Variants in WWOX observed in about 807,000 individuals in gnomAD.
WWOX encodes WW domain-containing oxidoreductase.
A neutral mutation model predicts 46.2 loss-of-function variants in WWOX; 69 were observed. The observed-to-expected ratio is 1.49, with a 90% CI of 1.23 to 1.82. The LOEUF (loss-of-function observed/expected upper bound fraction) is 1.82. Among genes scored for constraint, WWOX ranks in the 40% most tolerant of loss-of-function variants. The pLI is 0.00. For synonymous variants in WWOX, 359 were observed against 202.6 expected (o/e 1.77, Z -6.56); for missense variants, 919 against 542.6 (o/e 1.69, Z -6.89).
At chr16:78,339,819 C>G (rs1364393387) in intron 5 of WWOX, among the ~76,000 whole-genome samples, 1 of 117,462 alleles carries the variant, frequency 8.5e-6, no homozygotes, top group Non-Finnish European at 2.0e-5. Flanking sequence ...CTATCTGCTT[C>G]TCTCTTGGGA....
At chr16:78,443,180 C>G (rs562035744) in intron 8 of WWOX, among the ~76,000 whole-genome samples, 14 of 143,766 alleles carry the variant, frequency 9.7e-5, no homozygotes, top group Middle Eastern at 3.8e-3. Context: ...TGACTCGTGT[C>G]TATTGTCCCA....
intron 8 of WWOX, among the ~76,000 whole-genome samples, chr16:79,178,533 T>C (rs1279931526): frequency 6.6e-6 from 1 of 152,114 alleles, no homozygotes; most frequent in African/African-American, 2.4e-5. Flanking sequence ...TCCAGGCTGG[T>C]CTCAAACTCC....
chr16:78,775,019 T>A (rs1248365470), intron 8 of WWOX, among the ~76,000 whole-genome samples: 1 of 152,130 alleles, frequency 6.6e-6, no homozygotes. Flanking sequence ...GTTGGGCAGA[T>A]GGCGAGAGAC....
intron 8 of WWOX, chr16:78,996,151 A>AC: frequency 1.1e-6 from 1 of 877,052 alleles, no homozygotes; most frequent in Non-Finnish European, 1.4e-6. Flanking sequence ...CTTTTTTTTA[A>AC]TTTTTTTTTT....
intron 8 of WWOX, among the ~76,000 whole-genome samples, chr16:78,595,060 G>T (rs1330651329): frequency 6.6e-6 from 1 of 152,196 alleles, no homozygotes; most frequent in African/African-American, 2.4e-5. Context: ...GAGGCTTGGG[G>T]ACCCCAGGGT....
At chr16:78,963,060 G>C (rs1245812012) in intron 8 of WWOX, among the ~76,000 whole-genome samples, 1 of 152,166 alleles carries the variant, frequency 6.6e-6, no homozygotes, top group East Asian at 1.9e-4. Context: ...GAATTGTACT[G>C]TAAGTACTCT....
chr16:79,136,939 A>G (rs1233899929), intron 8 of WWOX, among the ~76,000 whole-genome samples: 2 of 152,234 alleles, frequency 1.3e-5, no homozygotes, highest in African/African-American at 4.8e-5. Flanking sequence ...CATGTGATTA[A>G]TCCTCCCCCT....
At chr16:78,379,482 A>G (rs1434704704) in intron 5 of WWOX, among the ~76,000 whole-genome samples, 5 of 152,118 alleles carry the variant, frequency 3.3e-5, no homozygotes, top group Non-Finnish European at 5.9e-5. Context: ...GTGTTCCTTT[A>G]TTTCACCCAC....
At chr16:78,861,404 C>T (rs181443681) in intron 8 of WWOX, among the ~76,000 whole-genome samples, 44 of 152,300 alleles carry the variant, frequency 2.9e-4, no homozygotes, top group Non-Finnish European at 8.8e-5. Context: ...CAGAAGTTGA[C>T]AGAGAGTATA....
chr16:78,771,211 C>A (rs1451129950), intron 8 of WWOX, among the ~76,000 whole-genome samples: 1 of 152,218 alleles, frequency 6.6e-6, no homozygotes, highest in Non-Finnish European at 1.5e-5. Context: ...AACTGACTTA[C>A]TCTTTGAAAA....
intron 5 of WWOX, among the ~76,000 whole-genome samples, chr16:78,273,170 C>G (rs777573909): frequency 6.6e-6 from 1 of 152,234 alleles, no homozygotes; most frequent in Non-Finnish European, 1.5e-5. Flanking sequence ...CCTGCTGTGC[C>G]TTCCTATAGT....
intron 8 of WWOX, among the ~76,000 whole-genome samples, chr16:79,190,626 G>T (rs983253498): frequency 6.6e-6 from 1 of 152,202 alleles, no homozygotes; most frequent in African/African-American, 2.4e-5. Flanking sequence ...TTCAGAAGAT[G>T]AACTAGTTGG....
intron 4 of WWOX, among the ~76,000 whole-genome samples, chr16:78,115,921 T>C (rs1049766574): frequency 2.0e-5 from 3 of 152,236 alleles, no homozygotes; most frequent in African/African-American, 4.8e-5. Flanking sequence ...AAGTTCTCTC[T>C]GTCCTTTTGG....
intron 8 of WWOX, among the ~76,000 whole-genome samples, chr16:78,809,232 G>A (rs1446562787): frequency 6.7e-6 from 1 of 149,668 alleles, no homozygotes; most frequent in Non-Finnish European, 1.5e-5. Context: ...ACTTGAAATG[G>A]TTGTCTGAGC....
At chr16:78,747,507 T>C (rs995661896) in intron 8 of WWOX, among the ~76,000 whole-genome samples, 17 of 152,118 alleles carry the variant, frequency 1.1e-4, no homozygotes, top group African/African-American at 3.1e-4. Context: ...CCAACAACCC[T>C]AGGAGACAGG....
At chr16:78,988,743 G>T (rs1349194273) in intron 8 of WWOX, among the ~76,000 whole-genome samples, 2 of 152,212 alleles carry the variant, frequency 1.3e-5, no homozygotes, top group African/African-American at 4.8e-5. Flanking sequence ...TAGCTGTCAA[G>T]TTAGTTTCTT....
intron 8 of WWOX, among the ~76,000 whole-genome samples, chr16:78,916,125 A>G (rs1044592085): frequency 1.3e-5 from 2 of 152,200 alleles, no homozygotes; most frequent in African/African-American, 4.8e-5. Flanking sequence ...TCCCGCACAG[A>G]TAACCGTCCC....
At chr16:78,382,151 C>T (rs912214289) in intron 5 of WWOX, among the ~76,000 whole-genome samples, 5 of 152,166 alleles carry the variant, frequency 3.3e-5, no homozygotes, top group Non-Finnish European at 5.9e-5. Context: ...GGGACCAAGT[C>T]ATGGACTGAG....
At chr16:78,181,947 T>C (rs1394256524) in intron 5 of WWOX, among the ~76,000 whole-genome samples, 1 of 152,186 alleles carries the variant, frequency 6.6e-6, no homozygotes, top group Non-Finnish European at 1.5e-5. Flanking sequence ...AAGGACTCTT[T>C]TAGCCTCCGC....
Sources: gnomAD v4.1 joint callset for allele counts (sites outside exome capture counted in the v4.1 genomes callset) on GRCh38, gnomAD v4.1.1 for gene constraint, MANE v1.5 for transcripts, NCBI Gene and HGNC (gene_info 2026-07-23, HGNC 2026-07-21) for gene names.